The following DRG2 variants were observed in gnomAD, a reference collection of about 807,000 sequenced individuals.
The protein encoded by DRG2 is developmentally-regulated GTP-binding protein 2.
A neutral mutation model predicts 53.4 loss-of-function variants in DRG2; 36 were observed. The ratio of observed to expected loss-of-function variants is 0.67; its 90% CI spans 0.52 to 0.89. The LOEUF is 0.89. Ranked by LOEUF, DRG2 falls within the 40% of genes least tolerant of loss-of-function variation. The pLI is 0.00. For synonymous variants in DRG2, 167 were observed against 192.1 expected (o/e 0.87, Z 1.08); for missense variants, 342 against 481.2 (o/e 0.71, Z 2.71).
In DRG2 at chr17:18,103,946, C is replaced by T; in HGVS notation, c.895+57C>T. ...GCTGAGCTTCATCCCTAGAAGGCTG[C>T]CAGGCCGGTGTGTGGTGCCCAGAGA... On this transcript the variant is annotated intron_variant, in intron 10 of 12. Coordinates refer to ENST00000225729, the MANE Select transcript of DRG2 (RefSeq NM_001388.5). The surrounding 1 kb of genome is among the most constrained non-coding windows in gnomAD (Gnocchi z 4.4). 1 of 1,559,372 alleles carries T rather than the reference C, an allele frequency of 6.4e-7. No homozygotes were observed.
Position 18,098,474 on chromosome 17 carries a change from C to A in DRG2, c.315+115C>A, listed in dbSNP as rs978882656. ...GGATGTCCCCATGTCAGGACAGGCT[C>A]TGGACTGAGCTGCTTTGCCCTCCAG... On this transcript the variant is annotated intron_variant, in intron 3 of 12. Coordinates refer to ENST00000225729, the MANE Select transcript of DRG2 (RefSeq NM_001388.5). This position sits in a 1 kb window ranked among gnomAD's most constrained non-coding sequence, Gnocchi z 4.1. 2.2e-6 allele frequency: 2 copies of A among 910,176 alleles called. No homozygotes were observed. Among genetic ancestry groups the A allele is most frequent in the Non-Finnish European group, 3.5e-6 (2 of 564,896 alleles). The allele number at this position is 910,176 out of a possible 1,614,324, so 56.4% of individuals were successfully genotyped here.
At chr17:18,104,433 T>C in intron 10 of DRG2, 190 bp from the exon 11 acceptor site, 1 of 1,246,250 alleles carries the variant, frequency 8.0e-7, no homozygotes, top group Non-Finnish European at 1.1e-6. Flanking sequence ...TGAGTCACTG[T>C]GTTAAGATCA....
At chr17:18,094,041 CA>C in intron 2 of DRG2, 68 bp downstream of exon 2, 2 of 1,561,940 alleles carry the variant, frequency 1.3e-6, no homozygotes, top group Non-Finnish European at 1.7e-6. Context: ...GGTGACCATC[CA>C]GGCTCCCCTC....
chr17:18,088,223 C>T, intron 1 of DRG2, 136 bp downstream of exon 1: 1 of 1,104,160 alleles, frequency 9.1e-7, no homozygotes, highest in East Asian at 2.7e-5. Context: ...GTGCCGAGGC[C>T]GCCCTGCGCG....
intron 2 of DRG2, chr17:18,096,191 G>A (rs962720983): frequency 1.3e-5 from 2 of 152,186 alleles, no homozygotes; most frequent in Admixed American, 1.3e-4. Flanking sequence ...GCTGAGGTGT[G>A]TCAGGTTTCT....
At chr17:18,102,324 A>G (rs111927415) in intron 9 of DRG2, among the ~76,000 whole-genome samples, 38 of 152,334 alleles carry the variant, frequency 2.5e-4, no homozygotes, top group African/African-American at 8.7e-4. Flanking sequence ...TGAATGGCTA[A>G]GAGGCTTCTT....
At chr17:18,106,942 A>C (rs926103302) in intron 12 of DRG2, among the ~76,000 whole-genome samples, 2 of 152,074 alleles carry the variant, frequency 1.3e-5, no homozygotes, top group Admixed American at 1.3e-4. Flanking sequence ...TGACCTCCAG[A>C]AGTGCTGGGA....
At chr17:18,101,384 C>T (rs2142199607) in intron 7 of DRG2, 109 bp from the exon 8 acceptor site, 2 of 992,018 alleles carry the variant, frequency 2.0e-6, no homozygotes, top group African/African-American at 1.6e-5. Context: ...GCAGATACCG[C>T]CACGGTCCCA....
In DRG2 at chr17:18,106,462, C is replaced by A; in HGVS notation, c.984C>A (p.Ser328Arg). Residue 328 changes from serine (S) to arginine (R), a missense_variant, in exon 12 of 13, where the codon AGC (serine) becomes AGA (arginine). Ser to Arg is a moderately radical substitution (Grantham distance 110). Transcript: ENST00000225729. Reference sequence around the variant, plus strand: ...ACCGCATCCACCGGTCACTCGCCAGCCAGTTCAAGTACGCCCTGGTGTGGG... The same window carrying A: ...ACCGCATCCACCGGTCACTCGCCAGACAGTTCAAGTACGCCCTGGTGTGGG... ...VCHRIHRSLA[S>R]QFKYALVWGT... The A allele has an allele frequency of 1.9e-6, 3 of 1,614,050 alleles. No individual in the cohort carries two copies. The East Asian group carries it at 6.7e-5, about 36-fold the overall frequency.
chr17:18,089,532 T>A (rs2045276833), intron 1 of DRG2, among the ~76,000 whole-genome samples: 1 of 152,224 alleles, frequency 6.6e-6, no homozygotes, highest in South Asian at 2.1e-4. Flanking sequence ...GATCTTCTAG[T>A]TGACGGTCTG....
intron 9 of DRG2, among the ~76,000 whole-genome samples, chr17:18,102,684 G>A (rs2142202674): frequency 6.7e-6 from 1 of 150,374 alleles, no homozygotes; most frequent in East Asian, 2.0e-4. Flanking sequence ...CCCCCAAGAA[G>A]CCCTGGGTGT....
intron 2 of DRG2, chr17:18,095,344 A>G (rs549880242): frequency 2.0e-5 from 3 of 149,112 alleles, no homozygotes; most frequent in Non-Finnish European, 3.0e-5. Flanking sequence ...TAAAATAAAC[A>G]TCATTGCAGG....
Position 18,100,753 on chromosome 17 carries a change from T to G in DRG2, c.631+94T>G. ...AGACAGGAGGCCTCATGGAGCAGGGTGGCAGCAGGTCACCCCCACTGCCCC... is the reference window on the plus strand; with the variant it reads ...AGACAGGAGGCCTCATGGAGCAGGGGGGCAGCAGGTCACCCCCACTGCCCC... On this transcript the variant is annotated intron_variant, in intron 7 of 12. Coordinates refer to ENST00000225729, the MANE Select transcript of DRG2 (RefSeq NM_001388.5). This position sits in a 1 kb window ranked among gnomAD's most constrained non-coding sequence, Gnocchi z 4.1. 7.9e-7 allele frequency: 1 copy of G among 1,272,560 alleles called. No individual in the cohort carries two copies. Among genetic ancestry groups the G allele is most frequent in the Admixed American group, 2.0e-5 (1 of 50,462 alleles). The allele number at this position is 1,272,560 out of a possible 1,614,324, so 78.8% of individuals were successfully genotyped here.
chr17:18,094,214 G>A (rs1170457540), intron 2 of DRG2: 6 of 491,970 alleles, frequency 1.2e-5, no homozygotes, highest in Non-Finnish European at 1.8e-5. Context: ...AATACTTCTC[G>A]AGTGTGTATC....
chr17:18,088,327 A>C (rs990057627), intron 1 of DRG2, among the ~76,000 whole-genome samples: 4 of 152,238 alleles, frequency 2.6e-5, no homozygotes, highest in African/African-American at 9.6e-5. Context: ...CGTGTGCCCG[A>C]GTAGAGTAGT....
At chr17:18,101,453 G>A in intron 7 of DRG2, 40 bp from the exon 8 acceptor site, 1 of 1,599,062 alleles carries the variant, frequency 6.3e-7, no homozygotes, top group Non-Finnish European at 8.6e-7. Flanking sequence ...GGGGACAGGG[G>A]CAGCTGGTGC....
intron 11 of DRG2, among the ~76,000 whole-genome samples, chr17:18,105,183 G>T (rs2045607234): frequency 1.3e-5 from 2 of 152,290 alleles, no homozygotes; most frequent in South Asian, 4.1e-4. Context: ...CCCAGGGGAG[G>T]TGGTCTGGGC....
rs75842605 is a variant in DRG2 at position 18,104,586 on chromosome 17, G to T, written c.896-37G>T. 5.6e-4 allele frequency: 911 copies of T among 1,613,596 alleles called. 3 individuals are homozygous for T. The African/African-American group carries it at 0.01, about 18-fold the overall frequency. ...ATCACAAGATGGCAGTGTGGGCCCT[G>T]ATGTGTGGCTGACGTTCTCCCCATC... On this transcript the variant is annotated intron_variant, in intron 10 of 12. Transcript: ENST00000225729.
At position 18,107,228 on chromosome 17, in the gene DRG2, C is replaced by G. The variant is rs143553376; in HGVS notation, c.1083C>G (p.Ile361Met). ...TGGAGCATGAGGACGTCATCCAGAT[C>G]GTGAAGAAGTAACGGCGCCTGCCGG... ...HTMEHEDVIQ[I>M]VKK Residue 361 changes from isoleucine (I) to methionine (M), a missense_variant, in exon 13 of 13, where the codon ATC (isoleucine) becomes ATG (methionine). Coordinates refer to ENST00000225729, the MANE Select transcript of DRG2 (RefSeq NM_001388.5). The G allele has an allele frequency of 1.2e-6, 2 of 1,613,112 alleles. No homozygotes were observed. The highest frequency in any genetic ancestry group is 1.3e-5 in the African/African-American group (1 of 75,054).
Sources: gnomAD v4.1 joint callset for allele counts (sites outside exome capture counted in the v4.1 genomes callset) on GRCh38, gnomAD v4.1.1 for gene constraint, Gnocchi (gnomAD v3.1) non-coding constraint, MANE v1.5 for transcripts, NCBI Gene and HGNC (gene_info 2026-07-23, HGNC 2026-07-21) for gene names.